Variants in FILIP1L observed in about 807,000 individuals in gnomAD.
FILIP1L encodes the protein filamin A interacting protein 1 like.
FILIP1L carries 55 observed loss-of-function variants against 96.6 expected under a neutral mutation model. The observed-to-expected ratio is 0.57, with a 90% CI of 0.46 to 0.71. The LOEUF (loss-of-function observed/expected upper bound fraction) is 0.71, where lower values mean the gene tolerates loss of function less well. FILIP1L is among the 30% of genes least tolerant of loss of function. FILIP1L has a pLI of 0.00. For missense variants in FILIP1L, 1,304 were observed against 1,321.2 expected (o/e 0.99, Z 0.20); for synonymous variants, 467 against 473.9 (o/e 0.99, Z 0.19).
chr3:99,938,675 C>G (rs1024318286), intron 1 of FILIP1L, among the ~76,000 whole-genome samples: 1 of 152,074 alleles, frequency 6.6e-6, no homozygotes, highest in Admixed American at 6.5e-5. Flanking sequence ...AGCTGGTTGG[C>G]CCCTTTAATA....
At chr3:99,949,059 C>T (rs1387108742) in intron 1 of FILIP1L, among the ~76,000 whole-genome samples, 2 of 152,176 alleles carry the variant, frequency 1.3e-5, no homozygotes, top group South Asian at 4.2e-4. Context: ...TTGAATGCCA[C>T]CTGACATAAA....
intron 1 of FILIP1L, among the ~76,000 whole-genome samples, chr3:99,942,840 CT>C (rs1426486769): frequency 6.6e-6 from 1 of 150,610 alleles, no homozygotes; most frequent in African/African-American, 2.4e-5. Flanking sequence ...AAAAAAAAAA[CT>C]GAAAAACAAG....
At chr3:99,892,217 G>A (rs1706105018) in intron 4 of FILIP1L, among the ~76,000 whole-genome samples, 1 of 152,150 alleles carries the variant, frequency 6.6e-6, no homozygotes, top group Non-Finnish European at 1.5e-5. Context: ...TTTTCATAGT[G>A]CACTAGGCAA....
At chr3:100,085,186 A>G (rs1393917786) in intron 1 of FILIP1L, among the ~76,000 whole-genome samples, 1 of 152,204 alleles carries the variant, frequency 6.6e-6, no homozygotes, top group Non-Finnish European at 1.5e-5. Context: ...TTTTAAAAGT[A>G]TCTAAGGTGA....
chr3:99,872,584 A>C (rs1209634031), intron 4 of FILIP1L, among the ~76,000 whole-genome samples: 1 of 151,968 alleles, frequency 6.6e-6, no homozygotes, highest in East Asian at 1.9e-4. Context: ...CTGCCCCCAC[A>C]AACACATCAT....
At chr3:100,061,058 TTCTC>T in intron 1 of FILIP1L, among the ~76,000 whole-genome samples, 1 of 152,210 alleles carries the variant, frequency 6.6e-6, no homozygotes, top group South Asian at 2.1e-4. Context: ...TAGCAGGGCT[TTCTC>T]TCTTAAGTGG....
chr3:100,076,128 A>G (rs11708650), intron 1 of FILIP1L, among the ~76,000 whole-genome samples: 1 of 152,212 alleles, frequency 6.6e-6, no homozygotes, highest in Non-Finnish European at 1.5e-5. Flanking sequence ...ATTAAGAAAT[A>G]TATTTGTTAG....
At chr3:99,953,283 A>G (rs1576597357) in intron 1 of FILIP1L, among the ~76,000 whole-genome samples, 2 of 152,078 alleles carry the variant, frequency 1.3e-5, no homozygotes, top group African/African-American at 4.8e-5. Flanking sequence ...ACCTGCTTCT[A>G]CCTTCTACCC....
chr3:99,983,462 GTGTATATA>G lies in FILIP1L; in HGVS notation c.-10-52440_-10-52433del, dbSNP rs1282013167. 7.4e-3 allele frequency among the ~76,000 whole-genome samples: 89 copies of G among 11,976 alleles called. 1 individual carries two copies. The highest frequency in any genetic ancestry group is 0.02 in the South Asian group (7 of 342). 7.9% of individuals were successfully genotyped at this position (11,976 alleles called of 152,430 possible). ...TATATGTATGTATATATATATATGT[GTGTATATA>G]TATATATATATATATATATATATAT... On this transcript the variant is annotated intron_variant, in intron 1 of 5. Transcript: ENST00000477258.
At chr3:99,989,042 A>T (rs1029048383) in intron 1 of FILIP1L, among the ~76,000 whole-genome samples, 1 of 152,228 alleles carries the variant, frequency 6.6e-6, no homozygotes, top group African/African-American at 2.4e-5. Context: ...ATTTTTCTCA[A>T]CAAATTCTTC....
rs1384286378 is a variant in FILIP1L at position 99,887,211 on chromosome 3, TA to T, written c.606-36142del. 4.0e-5 allele frequency among the ~76,000 whole-genome samples: 6 copies of T among 151,256 alleles called. No individual in the cohort carries two copies. The East Asian group carries it at 1.2e-3, about 29-fold the overall frequency. ...GAACCCAGGAGGAGGAGGTCGCGGT[TA>T]GCCGAGATTGAGCCATTGCACTCCA... is the stretch of plus-strand genomic sequence containing the variant. On this transcript the variant is annotated intron_variant, in intron 4 of 5. Coordinates refer to ENST00000477258, the MANE Select transcript of FILIP1L (RefSeq NM_001387850.1).
At chr3:99,887,728 T>G (rs538988762) in intron 4 of FILIP1L, among the ~76,000 whole-genome samples, 49 of 152,292 alleles carry the variant, frequency 3.2e-4, no homozygotes, top group African/African-American at 1.2e-3. Flanking sequence ...ACATATAATA[T>G]AGATATGGAT....
At chr3:100,042,673 G>A (rs1285967619) in intron 1 of FILIP1L, among the ~76,000 whole-genome samples, 2 of 152,178 alleles carry the variant, frequency 1.3e-5, no homozygotes, top group Admixed American at 6.5e-5. Context: ...GCCTTTTATG[G>A]AGAACATGAG....
intron 4 of FILIP1L, among the ~76,000 whole-genome samples, chr3:99,866,281 T>A (rs13097830): frequency 0.053 from 8,132 of 152,206 alleles, 316 homozygotes; most frequent in Middle Eastern, 0.085. Context: ...CGTACCAGAA[T>A]GGATAAGTTC....
chr3:99,899,507 G>A (rs1462834899), intron 4 of FILIP1L, among the ~76,000 whole-genome samples: 4 of 152,128 alleles, frequency 2.6e-5, no homozygotes. Flanking sequence ...GTATATAAAG[G>A]ATTTAGTTTT....
chr3:99,970,686 C>G (rs961110037), intron 1 of FILIP1L, among the ~76,000 whole-genome samples: 8 of 152,182 alleles, frequency 5.3e-5, no homozygotes, highest in Non-Finnish European at 7.3e-5. Context: ...ACAAGACATT[C>G]TGTATATGGG....
chr3:99,930,046 T>C lies in FILIP1L; in HGVS notation c.253-17A>G, dbSNP rs759065667. The stretch of plus-strand genomic sequence containing the variant: ...ATCTCGAGCCTGTAGGAACAAAAAG[T>C]ATTTCAGAAAGCCTGCTGTCTCTAC... On this transcript the variant is annotated splice_polypyrimidine_tract_variant and intron_variant, in intron 2 of 5. Transcript: ENST00000477258. The C allele has an allele frequency of 6.3e-7, 1 of 1,586,538 alleles. No individual in the cohort carries two copies. Among genetic ancestry groups the C allele is most frequent in the African/African-American group, 1.4e-5 (1 of 73,420 alleles).
At position 99,850,661 on chromosome 3, in the gene FILIP1L, C is replaced by T. The variant is rs368008149; in HGVS notation, c.1015G>A (p.Glu339Lys). Residue 339 changes from glutamate (E) to lysine (K), a missense_variant, in exon 5 of 6, where the codon GAG becomes AAG. Coordinates refer to ENST00000477258, the MANE Select transcript of FILIP1L (RefSeq NM_001387850.1). ...GCTTTTCGTAAAGACCTGTTTGTCT[C>T]TTCTAACTCATCAATCTGCCGGCTG... is the stretch of plus-strand genomic sequence containing the variant. ...ALSRQIDELE[E>K]TNRSLRKAEE... is the part of the protein sequence containing the mutation. The T allele has an allele frequency of 6.2e-7, 1 of 1,614,104 alleles. No homozygotes were observed. Among genetic ancestry groups the T allele is most frequent in the Non-Finnish European group, 8.5e-7 (1 of 1,180,028 alleles).
chr3:99,991,610 C>A (rs1358583302), intron 1 of FILIP1L, among the ~76,000 whole-genome samples: 3 of 151,992 alleles, frequency 2.0e-5, no homozygotes, highest in African/African-American at 7.3e-5. Context: ...CTGCCACCTT[C>A]CCACCTTTTG....
Sources: allele counts gnomAD v4.1 joint callset (sites outside exome capture counted in the v4.1 genomes callset), GRCh38; gene constraint gnomAD v4.1.1; transcripts MANE v1.5; gene names NCBI Gene and HGNC (gene_info 2026-07-23, HGNC 2026-07-21).